The following PDE4B variants were observed in gnomAD, a reference collection of about 807,000 sequenced individuals.
The protein encoded by PDE4B is 3',5'-cyclic-AMP phosphodiesterase 4B.
A neutral mutation model predicts 82.2 loss-of-function variants in PDE4B; 20 were observed. That is an observed-to-expected ratio of 0.24 (90% confidence interval 0.17 to 0.35). PDE4B has a LOEUF of 0.35. Ranked by LOEUF, PDE4B falls within the 10% of genes least tolerant of loss-of-function variation. The pLI is 1.00. For synonymous variants in PDE4B, 320 were observed against 318.9 expected, an observed-to-expected ratio of 1.00 and a Z score of -0.04; for missense variants, 655 against 907.2, an observed-to-expected ratio of 0.72 and a Z score of 3.57.
intron 1 of PDE4B, among the ~76,000 whole-genome samples, chr1:65,795,251 T>C (rs1645619045): frequency 2.0e-5 from 3 of 152,242 alleles, no homozygotes; most frequent in African/African-American, 7.2e-5. Flanking sequence ...CCTAATATCT[T>C]ACTTGACTTA....
chr1:65,895,932 A>AAAT (rs58207336), intron 1 of PDE4B, among the ~76,000 whole-genome samples: 62,240 of 143,384 alleles, frequency 0.43, 13,456 homozygotes, highest in East Asian at 0.51. Context: ...ATGAAAAAGA[A>AAAT]AATAATAATA....
At chr1:66,021,369 T>C (rs1295147601) in intron 3 of PDE4B, among the ~76,000 whole-genome samples, 5 of 152,240 alleles carry the variant, frequency 3.3e-5, no homozygotes, top group Non-Finnish European at 7.3e-5. Context: ...GCTTTTGGTG[T>C]TTTAGTCATG....
chr1:66,308,433 A>G lies in PDE4B; in HGVS notation c.635-24075A>G, dbSNP rs372466109. Among the ~76,000 whole-genome samples, 7 of 152,182 alleles carry G rather than the reference A, an allele frequency of 4.6e-5. No homozygotes were observed. The South Asian group carries it at 8.3e-4, about 18-fold the overall frequency. On this transcript the variant is annotated intron_variant, in intron 7 of 16. Transcript: ENST00000341517. Reference sequence around the variant, plus strand: ...TTTAATAAAATGAACATACCTATGTAACCACTACCCAGACCAAAAGAACAG... The same window carrying G: ...TTTAATAAAATGAACATACCTATGTGACCACTACCCAGACCAAAAGAACAG...
intron 1 of PDE4B, among the ~76,000 whole-genome samples, chr1:65,889,014 C>T (rs1646823217): frequency 6.6e-6 from 1 of 152,052 alleles, no homozygotes; most frequent in Admixed American, 6.6e-5. Context: ...TGTCTTGTTC[C>T]AGCTTTTAGA....
Position 66,339,847 on chromosome 1 carries a change from G to GT in PDE4B, c.747+7229dup, listed in dbSNP as rs1660832024. The stretch of plus-strand genomic sequence containing the variant: ...TAGTTTTTTTTTGTTTGTTTTTTTT[G>GT]TTGTTTTTTTTTTTTTAGAATATGT... On this transcript the variant is annotated intron_variant, in intron 8 of 16. Transcript: ENST00000341517. 3.8e-5 allele frequency among the ~76,000 whole-genome samples: 3 copies of GT among 79,744 alleles called. No individual in the cohort carries two copies. In the South Asian group the frequency reaches 1.6e-3, roughly 43 times the overall value. The allele number at this position is 79,744 out of a possible 152,430, so 52.3% of individuals were successfully genotyped here.
chr1:65,929,182 C>A (rs540630590), intron 3 of PDE4B, among the ~76,000 whole-genome samples: 3 of 152,264 alleles, frequency 2.0e-5, no homozygotes, highest in South Asian at 4.1e-4. Context: ...ATCAGCATTA[C>A]CTTGCCTGGC....
rs373546498 is a variant in PDE4B, at chr1:65,798,448, C to T, written c.-71+5200C>T. ...TAATTTTTTGTATTTTTAGTAGAGA[C>T]GGGGTTTCACCTTGTTAGCCAGGAT... is the stretch of plus-strand genomic sequence containing the variant. On this transcript the variant is annotated intron_variant, in intron 1 of 16. Coordinates refer to ENST00000341517, the MANE Select transcript of PDE4B (RefSeq NM_002600.4). Among the ~76,000 whole-genome samples, 6 of 87,234 alleles carry T rather than the reference C, an allele frequency of 6.9e-5. 2 individuals are homozygous for T. In the South Asian group the frequency reaches 1.2e-3, roughly 17 times the overall value. 57.2% of individuals were successfully genotyped at this position (87,234 alleles called of 152,430 possible).
At chr1:65,994,902 T>G (rs6664196) in intron 3 of PDE4B, among the ~76,000 whole-genome samples, 31,860 of 151,730 alleles carry the variant, frequency 0.21, 4,098 homozygotes, top group East Asian at 0.38. Context: ...AATACTGGAG[T>G]TTTTTACTTT....
chr1:66,321,293 G>T lies in PDE4B; in HGVS notation c.635-11215G>T, dbSNP rs144528476. On this transcript the variant is annotated intron_variant, in intron 7 of 16. Transcript: ENST00000341517. ...GAAAGGCTGAAGTGACTTGAATTTT[G>T]GTCATCAACCAAATTCCACCACCTT... is the stretch of plus-strand genomic sequence containing the variant. Among the ~76,000 whole-genome samples, 143 of 152,182 alleles carry T rather than the reference G, an allele frequency of 9.4e-4. 2 individuals carry two copies. The East Asian group carries it at 0.023, about 24-fold the overall frequency.
At chr1:65,850,046 CA>C (rs1221328135) in intron 1 of PDE4B, among the ~76,000 whole-genome samples, 1 of 151,692 alleles carries the variant, frequency 6.6e-6, no homozygotes, top group East Asian at 1.9e-4. Context: ...GCATTCCCAC[CA>C]GCAATACATG....
At chr1:66,169,864 G>A (rs1453900139) in intron 3 of PDE4B, among the ~76,000 whole-genome samples, 1 of 152,178 alleles carries the variant, frequency 6.6e-6, no homozygotes, top group Non-Finnish European at 1.5e-5. Flanking sequence ...ATCATGGGAA[G>A]CTATCATTCA....
chr1:66,016,563 A>G lies in PDE4B; in HGVS notation c.281+97728A>G, dbSNP rs138153091. Among the ~76,000 whole-genome samples, 18 of 152,336 alleles carry G rather than the reference A, an allele frequency of 1.2e-4. No individual in the cohort carries two copies. In the East Asian group the frequency reaches 3.3e-3, roughly 28 times the overall value. On this transcript the variant is annotated intron_variant, in intron 3 of 16. Coordinates refer to ENST00000341517, the MANE Select transcript of PDE4B (RefSeq NM_002600.4). The stretch of plus-strand genomic sequence containing the variant: ...TTGTACAAATAATAATTTAGTTACA[A>G]TTGTCAACCATGATATCAAGTGTAA...
chr1:66,070,076 T>G (rs899220632), intron 3 of PDE4B, among the ~76,000 whole-genome samples: 1 of 152,030 alleles, frequency 6.6e-6, no homozygotes, highest in African/African-American at 2.4e-5. Context: ...TCTTTACACT[T>G]GTTACTCTGA....
intron 3 of PDE4B, among the ~76,000 whole-genome samples, chr1:66,184,203 A>G (rs1647131654): frequency 6.6e-6 from 1 of 152,186 alleles, no homozygotes; most frequent in African/African-American, 2.4e-5. Flanking sequence ...TCTGTCCTTT[A>G]GTAAAATCCA....
intron 7 of PDE4B, among the ~76,000 whole-genome samples, chr1:66,327,090 A>C (rs1475882741): frequency 6.6e-6 from 1 of 152,172 alleles, no homozygotes. Context: ...GCAACTAGCT[A>C]TTTGTGGCCA....
intron 3 of PDE4B, among the ~76,000 whole-genome samples, chr1:66,066,221 CA>C (rs1476477855): frequency 2.0e-5 from 3 of 151,766 alleles, no homozygotes; most frequent in African/African-American, 7.2e-5. Context: ...TGAGTGTTTT[CA>C]TATAATTTAT....
intron 3 of PDE4B, among the ~76,000 whole-genome samples, chr1:66,020,536 A>G (rs886419787): frequency 2.0e-5 from 3 of 151,520 alleles, no homozygotes; most frequent in Non-Finnish European, 2.9e-5. Flanking sequence ...TCATTGTTCA[A>G]TTCCCACCTA....
intron 8 of PDE4B, among the ~76,000 whole-genome samples, chr1:66,353,970 T>G (rs1662033235): frequency 6.6e-6 from 1 of 152,156 alleles, no homozygotes; most frequent in South Asian, 2.1e-4. Context: ...ATTAATGAGC[T>G]GATGGAGGGC....
chr1:66,257,535 A>G, intron 4 of PDE4B, 112 bp from the exon 5 acceptor site: 4 of 1,050,834 alleles, frequency 3.8e-6, no homozygotes, highest in Non-Finnish European at 4.5e-6. Flanking sequence ...AGGTAGAAGA[A>G]CTTGTATAAC....
Sources: allele counts gnomAD v4.1 joint callset (sites outside exome capture counted in the v4.1 genomes callset), GRCh38; gene constraint gnomAD v4.1.1; transcripts MANE v1.5; gene names NCBI Gene and HGNC (gene_info 2026-07-23, HGNC 2026-07-21).